SLC35F1: variants seen among roughly 807,000 people sequenced by gnomAD.
SLC35F1 encodes solute carrier family 35 member F1.
A neutral mutation model predicts 48.7 loss-of-function variants in SLC35F1; 14 were observed. The observed-to-expected ratio is 0.29, with a 90% CI of 0.19 to 0.45. The LOEUF (loss-of-function observed/expected upper bound fraction) is 0.45. SLC35F1 is among the 20% of genes least tolerant of loss of function. The pLI is 1.00. For synonymous variants in SLC35F1, 190 were observed against 202.2 expected (o/e 0.94, Z 0.51); for missense variants, 404 against 500.0 (o/e 0.81, Z 1.83).
intron 1 of SLC35F1, among the ~76,000 whole-genome samples, chr6:118,045,400 C>T (rs1367638002): frequency 6.6e-6 from 1 of 152,162 alleles, no homozygotes; most frequent in Non-Finnish European, 1.5e-5. Flanking sequence ...AGGGAGGTCT[C>T]AAGGGCACAG....
chr6:118,038,457 T>C (rs1772165548), intron 1 of SLC35F1, among the ~76,000 whole-genome samples: 1 of 152,046 alleles, frequency 6.6e-6, no homozygotes, highest in African/African-American at 2.4e-5. Flanking sequence ...AGTCTGTAGA[T>C]CAATTTGAGG....
At chr6:118,258,481 G>A (rs965897614) in intron 3 of SLC35F1, among the ~76,000 whole-genome samples, 1 of 152,030 alleles carries the variant, frequency 6.6e-6, no homozygotes, top group African/African-American at 2.4e-5. Flanking sequence ...ATGAGATAAT[G>A]GATGTAAAAG....
At chr6:118,244,375 C>T (rs1775481240) in intron 3 of SLC35F1, among the ~76,000 whole-genome samples, 2 of 152,268 alleles carry the variant, frequency 1.3e-5, no homozygotes, top group African/African-American at 4.8e-5. Flanking sequence ...TTACAGCTCT[C>T]TGACTCTTCC....
chr6:118,162,955 T>C (rs1774260022), intron 2 of SLC35F1, among the ~76,000 whole-genome samples: 1 of 143,194 alleles, frequency 7.0e-6, no homozygotes, highest in African/African-American at 2.6e-5. Context: ...TATGAATCTT[T>C]TCTTTCTTTT....
At chr6:118,149,242 G>A (rs1247580173) in intron 1 of SLC35F1, among the ~76,000 whole-genome samples, 1 of 152,152 alleles carries the variant, frequency 6.6e-6, no homozygotes, top group Non-Finnish European at 1.5e-5. Flanking sequence ...TTGTCATAAG[G>A]CCATGAGGAG....
At chr6:118,059,885 A>G (rs10440853) in intron 1 of SLC35F1, among the ~76,000 whole-genome samples, 27,312 of 152,224 alleles carry the variant, frequency 0.18, 2,667 homozygotes, top group Admixed American at 0.28. Context: ...TACCATTTTT[A>G]TAGAGGTAGG....
chr6:117,996,672 G>C (rs1397643607), intron 1 of SLC35F1, among the ~76,000 whole-genome samples: 1 of 152,148 alleles, frequency 6.6e-6, no homozygotes, highest in Non-Finnish European at 1.5e-5. Flanking sequence ...AGGCACACAG[G>C]GTCTGGAGTG....
chr6:118,124,421 T>C (rs182067618), intron 1 of SLC35F1, among the ~76,000 whole-genome samples: 1 of 152,278 alleles, frequency 6.6e-6, no homozygotes, highest in East Asian at 1.9e-4. Flanking sequence ...CTCTGAATTG[T>C]GCTCTTCAGT....
intron 1 of SLC35F1, among the ~76,000 whole-genome samples, chr6:118,035,802 G>T (rs1423128041): frequency 7.3e-6 from 1 of 137,286 alleles, no homozygotes; most frequent in Non-Finnish European, 1.5e-5. Context: ...CCATTCTCCT[G>T]CCTCAGCCCC....
intron 2 of SLC35F1, among the ~76,000 whole-genome samples, chr6:118,178,021 G>A (rs1379904597): frequency 6.6e-6 from 1 of 152,028 alleles, no homozygotes; most frequent in Admixed American, 6.6e-5. Flanking sequence ...CTTTTGTGAG[G>A]TTTGGATGTT....
In SLC35F1 at chr6:118,314,302, C is replaced by A; in HGVS notation, c.*50C>A. The A allele has an allele frequency of 2.0e-6, 3 of 1,522,276 alleles. No homozygotes were observed. Among genetic ancestry groups the A allele is most frequent in the Non-Finnish European group, 2.7e-6 (3 of 1,098,934 alleles). The allele number at this position is 1,522,276 out of a possible 1,614,324, so 94.3% of individuals were successfully genotyped here. A position where few individuals can be genotyped will look rare whatever the true frequency, so the allele number is the denominator to read the frequency against. The stretch of plus-strand genomic sequence containing the variant: ...GGCCAACTCATTGGCCATGTTTTTG[C>A]CCATCATCTCTGTATTGTACATAGA... On this transcript the variant is annotated 3_prime_UTR_variant, in exon 8 of 8. Transcript: ENST00000360388.
intron 3 of SLC35F1, among the ~76,000 whole-genome samples, chr6:118,257,953 A>G (rs1028284808): frequency 3.9e-5 from 6 of 152,206 alleles, no homozygotes; most frequent in East Asian, 3.8e-4. Flanking sequence ...TGCAGAGCAT[A>G]TAAGTCAGAA....
At chr6:118,151,287 A>C (rs1339463944) in intron 1 of SLC35F1, among the ~76,000 whole-genome samples, 1 of 152,060 alleles carries the variant, frequency 6.6e-6, no homozygotes, top group Non-Finnish European at 1.5e-5. Context: ...ATCCATTTCC[A>C]GTATTTTCAC....
intron 1 of SLC35F1, among the ~76,000 whole-genome samples, chr6:117,918,245 G>T (rs1429883111): frequency 6.6e-6 from 1 of 152,114 alleles, no homozygotes; most frequent in Non-Finnish European, 1.5e-5. Context: ...AATACAACAG[G>T]TCTGTGTGCT....
intron 2 of SLC35F1, among the ~76,000 whole-genome samples, chr6:118,183,259 T>C (rs1774608928): frequency 6.6e-6 from 1 of 152,066 alleles, no homozygotes; most frequent in African/African-American, 2.4e-5. Flanking sequence ...TAAGCTAAAA[T>C]TTCACTCCCT....
chr6:117,952,367 A>T (rs1409138975), intron 1 of SLC35F1, among the ~76,000 whole-genome samples: 2 of 152,184 alleles, frequency 1.3e-5, no homozygotes, highest in African/African-American at 4.8e-5. Flanking sequence ...TACATTTTGC[A>T]TATCTGTTGT....
chr6:118,222,124 GCA>G (rs1467649720), intron 2 of SLC35F1, among the ~76,000 whole-genome samples: 1 of 152,042 alleles, frequency 6.6e-6, no homozygotes, highest in East Asian at 1.9e-4. Context: ...GTGGTTTAAT[GCA>G]CACATATCCC....
At chr6:118,213,430 G>GTTCAACT (rs1775033931) in intron 2 of SLC35F1, among the ~76,000 whole-genome samples, 1 of 152,166 alleles carries the variant, frequency 6.6e-6, no homozygotes, top group Non-Finnish European at 1.5e-5. Flanking sequence ...ATACTTTGGG[G>GTTCAACT]AGTTACTTGG....
intron 1 of SLC35F1, among the ~76,000 whole-genome samples, chr6:117,918,919 A>G (rs563253940): frequency 6.6e-6 from 1 of 152,088 alleles, no homozygotes; most frequent in Non-Finnish European, 1.5e-5. Context: ...TTTAAGAGAC[A>G]AAGTTTCACG....
Sources: gnomAD v4.1 joint callset for allele counts (sites outside exome capture counted in the v4.1 genomes callset) on GRCh38, gnomAD v4.1.1 for gene constraint, MANE v1.5 for transcripts, NCBI Gene and HGNC (gene_info 2026-07-23, HGNC 2026-07-21) for gene names.